The following SMC2 variants were observed in gnomAD, a reference collection of about 807,000 sequenced individuals.
SMC2 encodes structural maintenance of chromosomes 2.
Under a neutral mutation model 142.6 loss-of-function variants are expected in SMC2, and 41 were observed. The ratio of observed to expected loss-of-function variants is 0.29; its 90% CI spans 0.22 to 0.37. The LOEUF is 0.37. Among genes scored for constraint, SMC2 ranks in the 10% least tolerant of loss-of-function variants. The pLI is 1.00. For missense variants in SMC2, 1,265 were observed against 1,373.7 expected, an observed-to-expected ratio of 0.92 and a Z score of 1.25; for synonymous variants, 463 against 457.5, an observed-to-expected ratio of 1.01 and a Z score of -0.15.
At position 104,134,451 on chromosome 9, in the gene SMC2, T is replaced by C. The variant is rs750916472; in HGVS notation, c.3145T>C (p.Leu1049=). 8.7e-6 allele frequency: 14 copies of C among 1,607,366 alleles called. No homozygotes were observed. The highest frequency in any genetic ancestry group is 1.0e-5 in the Non-Finnish European group (12 of 1,177,414). ...KDFGSIFSTL[L]PGANAMLAPP... ...CTTTGGGTCTATTTTTTCTACTCTT[T>C]TGCCTGGTGCTAATGCTATGCTTGC... Residue 1049 remains leucine (L), a synonymous_variant, in exon 23 of 25, where the codon TTG becomes CTG. Transcript: ENST00000374793.
intron 6 of SMC2, 50 bp from the exon 7 acceptor site, chr9:104,100,339 T>C: frequency 6.7e-7 from 1 of 1,485,892 alleles, no homozygotes; most frequent in Non-Finnish European, 9.3e-7. Flanking sequence ...TTCAAATAAA[T>C]TTTAATGATA....
At chr9:104,138,943 A>G (rs1467662284) in intron 24 of SMC2, among the ~76,000 whole-genome samples, 196 bp from the exon 25 acceptor site, 4 of 152,154 alleles carry the variant, frequency 2.6e-5, no homozygotes, top group Non-Finnish European at 5.9e-5. Context: ...AAATAGTAAA[A>G]TTGGGTAATG....
intron 17 of SMC2, 126 bp from the exon 18 acceptor site, chr9:104,124,786 C>T: frequency 1.6e-6 from 1 of 643,346 alleles, no homozygotes; most frequent in Non-Finnish European, 2.6e-6. Context: ...TCTAGAATAT[C>T]ATTGGGATAG....
Position 104,114,720 on chromosome 9 carries a change from G to T in SMC2, c.1562G>T (p.Cys521Phe), listed in dbSNP as rs1453757455. 2.5e-6 allele frequency: 4 copies of T among 1,612,476 alleles called. No homozygotes were observed. Among genetic ancestry groups the T allele is most frequent in the Non-Finnish European group, 3.4e-6 (4 of 1,179,118 alleles). The change falls in exon 13 of 25, where the codon TGT becomes TTT. Residue 521 changes from cysteine to phenylalanine, a missense_variant. Physicochemically the swap from Cys to Phe is radical, Grantham distance 205. Coordinates refer to ENST00000374793, the MANE Select transcript of SMC2 (RefSeq NM_006444.3). ...KDPEKNWNRN[C>F]VKGLVASLIS... Reference sequence around the variant, plus strand: ...CCAGAGAAGAACTGGAATAGAAATTGTGTGAAAGGACTTGTGGCTTCTCTG... The same window carrying T: ...CCAGAGAAGAACTGGAATAGAAATTTTGTGAAAGGACTTGTGGCTTCTCTG...
At chr9:104,102,262 A>G (rs961513288) in intron 8 of SMC2, 69 bp downstream of exon 8, 6 of 1,075,674 alleles carry the variant, frequency 5.6e-6, no homozygotes, top group East Asian at 2.5e-5. Context: ...TATAGTAACT[A>G]TTTAGGATTC....
intron 9 of SMC2, 71 bp from the exon 10 acceptor site, chr9:104,111,509 AG>A: frequency 1.2e-6 from 1 of 825,002 alleles, no homozygotes; most frequent in Non-Finnish European, 2.0e-6. Flanking sequence ...TTATTACATA[AG>A]GGTATGCGTA....
At chr9:104,106,324 T>C (rs1268617163) in intron 9 of SMC2, among the ~76,000 whole-genome samples, 2 of 152,198 alleles carry the variant, frequency 1.3e-5, no homozygotes, top group African/African-American at 4.8e-5. Flanking sequence ...ATGAGTGACA[T>C]ATATTTGTCC....
At chr9:104,120,915 G>C (rs1199333566) in intron 16 of SMC2, among the ~76,000 whole-genome samples, 1 of 152,164 alleles carries the variant, frequency 6.6e-6, no homozygotes, top group African/African-American at 2.4e-5. Context: ...TGTTGGAGAA[G>C]CGGATGATAA....
rs1291512075 is a variant in SMC2, at chr9:104,127,332, T to G, written c.2642T>G (p.Val881Gly). 5.6e-6 allele frequency: 9 copies of G among 1,605,008 alleles called. No individual in the cohort carries two copies. Among genetic ancestry groups the G allele is most frequent in the Non-Finnish European group, 6.8e-6 (8 of 1,175,256 alleles). The change falls in exon 20 of 25, where the codon GTG (valine) becomes GGG (glycine). Residue 881 changes from valine to glycine, a missense_variant. Around this residue, in one of 4 missense-constraint regions of SMC2, gnomAD observed 898 missense variants for 904.2 expected, o/e 0.99. Transcript: ENST00000374793. ...GAAGAGGTGACCAAGCAAAAAGAGG[T>G]GATAACAGCCCAAGACACTGTAATT... ...AQEEVTKQKE[V>G]ITAQDTVIKA... is the part of the protein sequence containing the mutation.
At chr9:104,129,047 T>C (rs929230997) in intron 20 of SMC2, among the ~76,000 whole-genome samples, 4 of 152,204 alleles carry the variant, frequency 2.6e-5, no homozygotes, top group Non-Finnish European at 5.9e-5. Flanking sequence ...TTCATTCTAA[T>C]GGAGGTGCTT....
rs771971204 is a variant in SMC2, at chr9:104,139,371, A to T, written c.*56A>T. 2 of 1,361,990 alleles carry T rather than the reference A, an allele frequency of 1.5e-6. No individual in the cohort carries two copies. The highest frequency in any genetic ancestry group is 2.7e-5 in the South Asian group (2 of 72,728). 84.4% of individuals were successfully genotyped at this position (1,361,990 alleles called of 1,614,324 possible). A position where few individuals can be genotyped will look rare whatever the true frequency, so the allele number is the denominator to read the frequency against. ...TTTTTTTAAATGTAAACTTTTAAGG[A>T]CTTGAGATAACTAATTTGTTTATAT... On this transcript the variant is annotated 3_prime_UTR_variant, in exon 25 of 25. Transcript: ENST00000374793.
Position 104,094,929 on chromosome 9 carries a change from G to A in SMC2, c.-61-395G>A, listed in dbSNP as rs117776527. The A allele has an allele frequency of 3.6e-3, 606 of 167,298 alleles. 13 individuals carry two copies. The highest frequency in any genetic ancestry group is 0.036 in the East Asian group (204 of 5,708). 10.4% of individuals were successfully genotyped at this position (167,298 alleles called of 1,614,324 possible). On this transcript the variant is annotated intron_variant, in intron 1 of 24. Coordinates refer to ENST00000374793, the MANE Select transcript of SMC2 (RefSeq NM_006444.3). ...GGAGAGGTGACATAGGGAGGTCAGG[G>A]AGGACTCCAGTAAGGTGACATTTGA...
At chr9:104,112,280 C>G (rs578156708) in intron 10 of SMC2, among the ~76,000 whole-genome samples, 1 of 152,246 alleles carries the variant, frequency 6.6e-6, no homozygotes, top group South Asian at 2.1e-4. Context: ...GGAAGTATCT[C>G]TACCTCACAT....
upstream of SMC2, chr9:104,093,134 T>C (rs542121572): frequency 3.3e-5 from 5 of 152,350 alleles, no homozygotes; most frequent in East Asian, 1.9e-4. Context: ...TATTTTGTTA[T>C]GGAAGCCCAA....
At position 104,141,358 on chromosome 9, in the gene SMC2, T is replaced by C. The variant is rs1299043876; in HGVS notation, c.*2043T>C. On this transcript the variant is annotated 3_prime_UTR_variant, in exon 25 of 25. Transcript: ENST00000374793. ...TTGTCAGTCTCCAGAACCTAAGATATACTACGTCACTGACAGCTTGAACAT... is the reference window on the plus strand; with the variant it reads ...TTGTCAGTCTCCAGAACCTAAGATACACTACGTCACTGACAGCTTGAACAT... 6.6e-6 allele frequency: 1 copy of C among 152,138 alleles called. No homozygotes were observed. The highest frequency in any genetic ancestry group is 1.5e-5 in the Non-Finnish European group (1 of 68,022). 9.4% of individuals were successfully genotyped at this position (152,138 alleles called of 1,614,324 possible).
chr9:104,120,955 A>G (rs1833663145), intron 16 of SMC2, among the ~76,000 whole-genome samples: 1 of 152,186 alleles, frequency 6.6e-6, no homozygotes, highest in Non-Finnish European at 1.5e-5. Context: ...ACATGTTACT[A>G]GTTCTAAGAA....
Position 104,129,706 on chromosome 9 carries a change from C to A in SMC2, c.2852C>A (p.Pro951His). ...INAERHLFGQ[P>H]NSAYDFKTNN... ...GCAGAGAGACACCTCTTTGGCCAAC[C>A]CAATAGTGCCTATGATTTCAAAACT... Residue 951 changes from proline to histidine, a missense_variant, in exon 21 of 25, where the codon CCC becomes CAC. By Grantham distance (77) the Pro-to-His change is moderately conservative. Around this residue, in one of 4 missense-constraint regions of SMC2, gnomAD observed 898 missense variants for 904.2 expected, o/e 0.99. Coordinates refer to ENST00000374793, the MANE Select transcript of SMC2 (RefSeq NM_006444.3). The A allele has an allele frequency of 6.2e-7, 1 of 1,613,878 alleles. No individual in the cohort carries two copies. The highest frequency in any genetic ancestry group is 8.5e-7 in the Non-Finnish European group (1 of 1,179,888).
chr9:104,118,139 T>C (rs1206358878), intron 14 of SMC2, 32 bp from the exon 15 acceptor site: 3 of 1,565,358 alleles, frequency 1.9e-6, no homozygotes, highest in East Asian at 2.2e-5. Context: ...AGTAGTAGTA[T>C]GTACTGTGGC....
intron 19 of SMC2, 147 bp from the exon 20 acceptor site, chr9:104,127,139 A>T (rs1030912059): frequency 7.7e-5 from 47 of 608,154 alleles, no homozygotes; most frequent in Admixed American, 1.3e-4. Flanking sequence ...TTTAATGGTG[A>T]TATAAAATAT....
Sources: gnomAD v4.1 joint callset for allele counts (sites outside exome capture counted in the v4.1 genomes callset) on GRCh38, gnomAD v4.1.1 for gene constraint, gnomAD v4.1.1 regional missense constraint, MANE v1.5 for transcripts, NCBI Gene and HGNC (gene_info 2026-07-23, HGNC 2026-07-21) for gene names.